VPS13B: variants seen among roughly 807,000 people sequenced by gnomAD.
VPS13B encodes intermembrane lipid transfer protein VPS13B.
Under a neutral mutation model 426.4 loss-of-function variants are expected in VPS13B, and 285 were observed. The observed-to-expected ratio is 0.67, with a 90% confidence interval of 0.61 to 0.74. The LOEUF is 0.74. Ranked by LOEUF, VPS13B falls within the 30% of genes least tolerant of loss-of-function variation. The pLI is 0.00. For synonymous variants in VPS13B, 1,676 were observed against 1,676.4 expected, an observed-to-expected ratio of 1.00 and a Z score of 0.01; for missense variants, 4,537 against 4,782.6, an observed-to-expected ratio of 0.95 and a Z score of 1.51.
chr8:99,653,180 A>G (rs1384832026), intron 34 of VPS13B, among the ~76,000 whole-genome samples: 3 of 152,212 alleles, frequency 2.0e-5, no homozygotes, highest in African/African-American at 7.2e-5. Context: ...GGTGATATTT[A>G]TGAAATTAAG....
At chr8:99,841,893 T>TA (rs1485389107) in intron 54 of VPS13B, among the ~76,000 whole-genome samples, 1 of 152,124 alleles carries the variant, frequency 6.6e-6, no homozygotes, top group Non-Finnish European at 1.5e-5. Flanking sequence ...TCTCTGTAAC[T>TA]AACCCCCAAA....
chr8:99,328,566 G>C (rs1810400565), intron 19 of VPS13B, among the ~76,000 whole-genome samples: 1 of 152,116 alleles, frequency 6.6e-6, no homozygotes. Context: ...GGAGAAGATA[G>C]CTAAATTTTA....
chr8:99,866,934 C>G (rs1169954757), intron 58 of VPS13B, among the ~76,000 whole-genome samples: 1 of 152,224 alleles, frequency 6.6e-6, no homozygotes, highest in African/African-American at 2.4e-5. Context: ...CTGCCGGGAG[C>G]AGCTTCCTCT....
chr8:99,618,041 A>G (rs1481195185), intron 33 of VPS13B, among the ~76,000 whole-genome samples: 1 of 152,152 alleles, frequency 6.6e-6, no homozygotes, highest in Non-Finnish European at 1.5e-5. Context: ...TGTGATAAAT[A>G]TTAACAATGA....
In VPS13B at chr8:99,556,561, A is replaced by T. The variant is rs1324110773; in HGVS notation, c.4857A>T (p.Leu1619=). 6.2e-7 allele frequency: 1 copy of T among 1,613,248 alleles called. No homozygotes were observed. Among genetic ancestry groups the T allele is most frequent in the Non-Finnish European group, 8.5e-7 (1 of 1,179,566 alleles). The change falls in exon 31 of 62, where the codon CTA becomes CTT. Residue 1619 remains leucine, a synonymous_variant. Coordinates refer to ENST00000357162, the MANE Select transcript of VPS13B (RefSeq NM_152564.5). ...INIGTAQWHQ[L]KPEKESVSGG... ...TTGGTACTGCACAGTGGCATCAACT[A>T]AAACCAGAGAAGGAAAGTGTCTCAG...
intron 19 of VPS13B, among the ~76,000 whole-genome samples, chr8:99,300,433 A>G (rs530158691): frequency 1.3e-3 from 195 of 152,328 alleles, no homozygotes; most frequent in African/African-American, 4.3e-3. Context: ...ACAGTATGCA[A>G]TTGCAACATG....
At chr8:99,374,903 T>C (rs1813400715) in intron 19 of VPS13B, among the ~76,000 whole-genome samples, 2 of 152,196 alleles carry the variant, frequency 1.3e-5, no homozygotes, top group African/African-American at 4.8e-5. Context: ...GGGAGGTATC[T>C]CTCTTAGTGC....
intron 19 of VPS13B, among the ~76,000 whole-genome samples, chr8:99,312,456 G>C (rs1306460336): frequency 2.0e-5 from 3 of 152,146 alleles, no homozygotes; most frequent in Non-Finnish European, 2.9e-5. Context: ...ATGAAATTCT[G>C]GGTTGAAAAT....
In VPS13B at chr8:99,411,346, C is replaced by T. The variant is rs181577648; in HGVS notation, c.3082+19642C>T. On this transcript the variant is annotated intron_variant, in intron 21 of 61. Transcript: ENST00000357162. The stretch of plus-strand genomic sequence containing the variant: ...AGCTTTTATTCATATGATTGTAGGC[C>T]GCATAAATGTCTTCTTTTGAGAAGT... Among the ~76,000 whole-genome samples the T allele has an allele frequency of 1.3e-3, 204 of 152,202 alleles. 2 individuals carry two copies. Among genetic ancestry groups the T allele is most frequent in the Non-Finnish European group, 2.0e-3 (134 of 67,990 alleles).
intron 19 of VPS13B, among the ~76,000 whole-genome samples, chr8:99,343,241 G>A (rs1289857565): frequency 6.6e-6 from 1 of 151,506 alleles, no homozygotes; most frequent in East Asian, 1.9e-4. Context: ...CTACAGGCAC[G>A]CACCACCATG....
chr8:99,546,906 A>G (rs999442146), intron 30 of VPS13B, among the ~76,000 whole-genome samples: 2 of 152,106 alleles, frequency 1.3e-5, no homozygotes, highest in African/African-American at 4.8e-5. Context: ...ATTTAGCCAC[A>G]ATTTACTTTT....
intron 33 of VPS13B, among the ~76,000 whole-genome samples, chr8:99,578,122 A>T (rs916695059): frequency 6.6e-6 from 1 of 152,190 alleles, no homozygotes. Context: ...ATTTTGATAC[A>T]GTGTTCATTG....
At chr8:99,610,928 C>G (rs978432898) in intron 33 of VPS13B, among the ~76,000 whole-genome samples, 1 of 152,016 alleles carries the variant, frequency 6.6e-6, no homozygotes, top group African/African-American at 2.4e-5. Flanking sequence ...TAGAAAAAGT[C>G]CAAAGCAAGG....
rs566574675 is a variant in VPS13B at position 99,342,716 on chromosome 8, A to G, written c.2825-41492A>G. On this transcript the variant is annotated intron_variant, in intron 19 of 61. Transcript: ENST00000357162. ...TGCTGCAGTGAACATGGCAGTGCAGATATCCCTTTGACATATTTATTTCAG... is the reference window on the plus strand; with the variant it reads ...TGCTGCAGTGAACATGGCAGTGCAGGTATCCCTTTGACATATTTATTTCAG... 5.9e-5 allele frequency among the ~76,000 whole-genome samples: 9 copies of G among 152,298 alleles called. 1 individual carries two copies. In the South Asian group the frequency reaches 1.9e-3, roughly 32 times the overall value.
At chr8:99,145,756 A>G (rs886501092) in intron 13 of VPS13B, among the ~76,000 whole-genome samples, 4 of 152,244 alleles carry the variant, frequency 2.6e-5, no homozygotes, top group South Asian at 2.1e-4. Flanking sequence ...GTTTTGGGCT[A>G]TTACAAATAA....
intron 17 of VPS13B, among the ~76,000 whole-genome samples, chr8:99,208,702 T>C (rs1260544820): frequency 6.6e-6 from 1 of 152,202 alleles, no homozygotes. Context: ...AATGAAATCA[T>C]GATAAAAGTC....
intron 17 of VPS13B, chr8:99,234,057 G>C: frequency 1.3e-6 from 1 of 776,222 alleles, no homozygotes; most frequent in Non-Finnish European, 2.4e-6. Flanking sequence ...TCCGCAGCGG[G>C]AAATCAGTCT....
Position 99,861,780 on chromosome 8 carries a change from C to T in VPS13B, c.11049C>T (p.Thr3683=), listed in dbSNP as rs1474618669. Residue 3683 remains threonine, a synonymous_variant, in exon 58 of 62, where the codon ACC becomes ACT. Transcript: ENST00000357162. ...CCCATGCTCTTGTTCCCTCAGGTAC[C>T]CTCACATCCATCACCAACCTCGCCA... is the stretch of plus-strand genomic sequence containing the variant. ...TSFVKHISKG[T]LTSITNLATS... 2.5e-6 allele frequency: 4 copies of T among 1,593,922 alleles called. No individual in the cohort carries two copies. The African/African-American group carries it at 5.4e-5, about 21-fold the overall frequency.
At chr8:99,355,319 G>A (rs1476878871) in intron 19 of VPS13B, among the ~76,000 whole-genome samples, 4 of 152,112 alleles carry the variant, frequency 2.6e-5, no homozygotes, top group African/African-American at 4.8e-5. Flanking sequence ...CTGGCTGGGC[G>A]TGGTGGCTCA....
Sources: allele counts gnomAD v4.1 joint callset (sites outside exome capture counted in the v4.1 genomes callset), GRCh38; gene constraint gnomAD v4.1.1; transcripts MANE v1.5; gene names NCBI Gene and HGNC (gene_info 2026-07-23, HGNC 2026-07-21).